PXK: variants seen among roughly 807,000 people sequenced by gnomAD.
PXK encodes the protein PX domain-containing protein kinase-like protein.
A neutral mutation model predicts 84.7 loss-of-function variants in PXK; 35 were observed. The observed-to-expected ratio is 0.41, with a 90% CI of 0.32 to 0.55. The LOEUF (loss-of-function observed/expected upper bound fraction) is 0.55. Ranked by LOEUF, PXK falls within the 20% of genes least tolerant of loss-of-function variation. The probability of loss-of-function intolerance (pLI) is 0.21; values close to 1 mark genes in which losing one functional copy is unlikely to be tolerated. For synonymous variants in PXK, 253 were observed against 260.8 expected (o/e 0.97, Z 0.29); for missense variants, 634 against 699.7 (o/e 0.91, Z 1.06).
intron 4 of PXK, among the ~76,000 whole-genome samples, chr3:58,388,098 C>T (rs142565667): frequency 6.6e-6 from 1 of 151,996 alleles, no homozygotes; most frequent in Non-Finnish European, 1.5e-5. Context: ...ATGTGTTGCC[C>T]GAGTCTGGGG....
intron 4 of PXK, among the ~76,000 whole-genome samples, chr3:58,388,806 A>C (rs56288363): frequency 6.6e-6 from 1 of 151,954 alleles, no homozygotes; most frequent in Non-Finnish European, 1.5e-5. Flanking sequence ...TCCAAATGAT[A>C]TTGTTTGCCA....
rs1341222277 is a variant in PXK at position 58,425,813 on chromosome 3, CTCTT to C, written c.*855_*858del. On this transcript the variant is annotated 3_prime_UTR_variant, in exon 18 of 18. Transcript: ENST00000356151. ...TTATCTAAATATATCAATATAGCAT[CTCTT>C]TAATGTTAGTCATTTATTAGAAAGA... 6.6e-6 allele frequency: 1 copy of C among 152,162 alleles called. No homozygotes were observed. The highest frequency in any genetic ancestry group is 1.5e-5 in the Non-Finnish European group (1 of 68,034). The allele number at this position is 152,162 out of a possible 1,614,324, so 9.4% of individuals were successfully genotyped here. A position where few individuals can be genotyped will look rare whatever the true frequency, so the allele number is the denominator to read the frequency against.
rs746071388 is a variant in PXK, at chr3:58,421,218, C to T, written c.1529-3534C>T. ...CTTGGCCTCCCTTCCTGTATGTGAC[C>T]ACAAAGGAGCTCAGAATTAGAGAGA... On this transcript the variant is annotated intron_variant, in intron 17 of 17. Transcript: ENST00000356151. The surrounding 1 kb of genome is among the most constrained non-coding windows in gnomAD (Gnocchi z 5.5). The T allele has an allele frequency of 1.2e-5, 12 of 985,334 alleles. No individual in the cohort carries two copies. The highest frequency in any genetic ancestry group is 1.4e-5 in the Non-Finnish European group (12 of 829,930). 61.0% of individuals were successfully genotyped at this position (985,334 alleles called of 1,614,324 possible).
chr3:58,416,822 T>A lies in PXK; in HGVS notation c.1528+3859T>A, dbSNP rs908170721. Among the ~76,000 whole-genome samples, 3 of 152,074 alleles carry A rather than the reference T, an allele frequency of 2.0e-5. No homozygotes were observed. The highest frequency in any genetic ancestry group is 7.2e-5 in the African/African-American group (3 of 41,416). ...ATTTTTGATAGAGATGGGGTTTCAC[T>A]ACGTTGGCCAGGCTGGTCTTGAACT... On this transcript the variant is annotated intron_variant, in intron 17 of 17. Transcript: ENST00000356151. The surrounding 1 kb of genome is among the most constrained non-coding windows in gnomAD (Gnocchi z 4.8).
chr3:58,340,973 C>CTT (rs57344727), intron 1 of PXK, among the ~76,000 whole-genome samples: 50 of 145,184 alleles, frequency 3.4e-4, no homozygotes, highest in African/African-American at 1.2e-3. Context: ...AGAGTTTTTC[C>CTT]TTTTTTTTTT....
chr3:58,352,851 G>A lies in PXK; in HGVS notation c.103-13023G>A, dbSNP rs371366940. 1.7e-4 allele frequency among the ~76,000 whole-genome samples: 26 copies of A among 152,302 alleles called. 1 individual carries two copies. The highest frequency in any genetic ancestry group is 5.5e-4 in the African/African-American group (23 of 41,566). ...GTAGGGCAGGAGACCATCCCACAGC[G>A]GAGAGTGTAGACTTCAAAAGGCCCG... On this transcript the variant is annotated intron_variant, in intron 1 of 17. Transcript: ENST00000356151.
At position 58,382,518 on chromosome 3, in the gene PXK, C is replaced by G. The variant is rs1334654838; in HGVS notation, c.206C>G (p.Ala69Gly). 1 of 1,470,970 alleles carries G rather than the reference C, an allele frequency of 6.8e-7. No individual in the cohort carries two copies. The highest frequency in any genetic ancestry group is 9.0e-7 in the Non-Finnish European group (1 of 1,108,420). 91.1% of individuals were successfully genotyped at this position (1,470,970 alleles called of 1,614,324 possible). ...TTTTTTTTTTTTTTTTTAAAGATTG[C>G]AGGCCTAAGTCTACCTCTTCCTCCC... Reference protein sequence around the residue: ...FDLLNNSLQIAGLSLPLPPKK... With the variant: ...FDLLNNSLQIGGLSLPLPPKK... Residue 69 changes from alanine to glycine, a missense_variant, in exon 4 of 18, where the codon GCA becomes GGA. Coordinates refer to ENST00000356151, the MANE Select transcript of PXK (RefSeq NM_017771.5).
Position 58,361,738 on chromosome 3 carries a change from C to T in PXK, c.103-4136C>T, listed in dbSNP as rs368037330. On this transcript the variant is annotated intron_variant, in intron 1 of 17. Coordinates refer to ENST00000356151, the MANE Select transcript of PXK (RefSeq NM_017771.5). ...ATGGTATGGATATAGCAGAATTTAA[C>T]CACCTATTGAAGGACATCTATCTTG... Among the ~76,000 whole-genome samples, 66 of 152,266 alleles carry T rather than the reference C, an allele frequency of 4.3e-4. No homozygotes were observed. The South Asian group carries it at 0.013, about 31-fold the overall frequency.
rs1288646181 is a variant in PXK, at chr3:58,423,520, T to G, written c.1529-1232T>G. ...GTAAGTGATTTTCTATTGTAAGACT[T>G]TAACCCATACCTGTCACACTTGGTG... On this transcript the variant is annotated intron_variant, in intron 17 of 17. Transcript: ENST00000356151. 1.2e-5 allele frequency: 19 copies of G among 1,535,938 alleles called. No individual in the cohort carries two copies. In the South Asian group the frequency reaches 2.0e-4, roughly 16 times the overall value.
intron 12 of PXK, among the ~76,000 whole-genome samples, chr3:58,402,401 C>G (rs998517556): frequency 6.6e-6 from 1 of 151,352 alleles, no homozygotes; most frequent in Non-Finnish European, 1.5e-5. Flanking sequence ...GCCCAGGTCA[C>G]CCAGTTCATG....
chr3:58,397,695 T>G lies in PXK; in HGVS notation c.1075T>G (p.Phe359Val). Residue 359 changes from phenylalanine (F) to valine (V), a missense_variant, in exon 11 of 18, where the codon TTC becomes GTC. This residue lies in a region of PXK where 273 missense variants were observed against 283.6 expected (regional missense o/e 0.96). Transcript: ENST00000356151. This position sits in a 1 kb window ranked among gnomAD's most constrained non-coding sequence, Gnocchi z 4.7. ...GCCAGACTCGGTGCCTGTGGACTCC[T>G]TCCCTCCTGCCCCGTCCATGGCTGT... ...RPPDSVPVDS[F>V]PPAPSMAVVA... 2 of 1,613,912 alleles carry G rather than the reference T, an allele frequency of 1.2e-6. No homozygotes were observed. The highest frequency in any genetic ancestry group is 1.7e-6 in the Non-Finnish European group (2 of 1,179,832).
At chr3:58,342,542 C>T (rs910024257) in intron 1 of PXK, among the ~76,000 whole-genome samples, 26 of 146,640 alleles carry the variant, frequency 1.8e-4, no homozygotes, top group African/African-American at 5.5e-4. Flanking sequence ...AGCTGAGGCA[C>T]GAGAATCGCT....
chr3:58,424,660 C>T (rs994637268), intron 17 of PXK, 92 bp from the exon 18 acceptor site: 2 of 1,490,224 alleles, frequency 1.3e-6, no homozygotes, highest in Non-Finnish European at 1.8e-6. Context: ...CATGTGGACT[C>T]TCACCAGTCC....
intron 2 of PXK, among the ~76,000 whole-genome samples, chr3:58,366,558 C>T (rs1024382011): frequency 7.2e-5 from 11 of 152,192 alleles, no homozygotes; most frequent in Non-Finnish European, 1.5e-5. Flanking sequence ...ACCTCCACCT[C>T]CCCGCAACAC....
intron 1 of PXK, among the ~76,000 whole-genome samples, chr3:58,342,874 A>C (rs2097762070): frequency 6.6e-6 from 1 of 152,208 alleles, no homozygotes; most frequent in South Asian, 2.1e-4. Context: ...GTGTGCACAG[A>C]TGACTTATTA....
intron 1 of PXK, among the ~76,000 whole-genome samples, chr3:58,349,191 A>G (rs998870518): frequency 1.3e-5 from 2 of 152,044 alleles, no homozygotes; most frequent in Non-Finnish European, 2.9e-5. Context: ...CTATGGTTGT[A>G]CCACTGCACT....
chr3:58,347,990 C>T (rs1055633408), intron 1 of PXK, among the ~76,000 whole-genome samples: 10 of 152,156 alleles, frequency 6.6e-5, no homozygotes, highest in Admixed American at 4.6e-4. Flanking sequence ...GTTGGCTCAC[C>T]GCAACCTTCA....
chr3:58,408,576 G>T (rs1201974282), intron 13 of PXK, among the ~76,000 whole-genome samples: 1 of 150,802 alleles, frequency 6.6e-6, no homozygotes, highest in Non-Finnish European at 1.5e-5. Context: ...AGGCTGGAGT[G>T]CAGTGGCGTG....
intron 3 of PXK, among the ~76,000 whole-genome samples, chr3:58,372,347 G>T (rs902465731): frequency 6.6e-6 from 1 of 151,864 alleles, no homozygotes; most frequent in African/African-American, 2.4e-5. Context: ...TTTTGAGATG[G>T]AGTCTCACTC....
Sources: allele counts gnomAD v4.1 joint callset (sites outside exome capture counted in the v4.1 genomes callset), GRCh38; gene constraint gnomAD v4.1.1; regional missense constraint gnomAD v4.1.1; non-coding constraint Gnocchi (gnomAD v3.1); transcripts MANE v1.5; gene names NCBI Gene and HGNC (gene_info 2026-07-23, HGNC 2026-07-21).